ALX4: variants seen among roughly 807,000 people sequenced by gnomAD.
ALX4 encodes the protein ALX homeobox 4.
Under a neutral mutation model 40.6 loss-of-function variants are expected in ALX4, and 22 were observed. That is an observed-to-expected ratio of 0.54 (90% CI 0.39 to 0.77). The LOEUF (loss-of-function observed/expected upper bound fraction) is 0.77. Ranked by LOEUF, ALX4 falls within the 30% of genes least tolerant of loss-of-function variation. ALX4 has a pLI of 0.00. For missense variants in ALX4, 556 were observed against 564.8 expected, an observed-to-expected ratio of 0.98 and a Z score of 0.16; for synonymous variants, 266 against 240.5, an observed-to-expected ratio of 1.11 and a Z score of -0.98.
At chr11:44,305,042 C>T (rs1956458168) in intron 1 of ALX4, among the ~76,000 whole-genome samples, 1 of 152,180 alleles carries the variant, frequency 6.6e-6, no homozygotes, top group Non-Finnish European at 1.5e-5. Context: ...CCCGGTGCTC[C>T]GAAGTATCTT....
chr11:44,307,626 G>A (rs1956476782), intron 1 of ALX4, among the ~76,000 whole-genome samples: 1 of 152,216 alleles, frequency 6.6e-6, no homozygotes, highest in South Asian at 2.1e-4. Flanking sequence ...CTCTGGCTAT[G>A]CAGGATGAAC....
intron 1 of ALX4, among the ~76,000 whole-genome samples, chr11:44,304,885 T>C (rs984349347): frequency 6.6e-6 from 1 of 152,214 alleles, no homozygotes; most frequent in Non-Finnish European, 1.5e-5. Flanking sequence ...GGCTCAGGGC[T>C]TGGTGACTCC....
chr11:44,283,103 C>T (rs544551167), intron 1 of ALX4, among the ~76,000 whole-genome samples: 51 of 152,050 alleles, frequency 3.4e-4, no homozygotes, highest in African/African-American at 1.1e-3. Flanking sequence ...AAAAATTCGT[C>T]GGGCATGGTG....
At chr11:44,265,220 G>T in intron 3 of ALX4, 37 bp from the exon 4 acceptor site, 2 of 1,559,320 alleles carry the variant, frequency 1.3e-6, no homozygotes, top group Non-Finnish European at 1.7e-6. Flanking sequence ...CGGCTGGCGG[G>T]CAGGTGTGGT....
At chr11:44,266,849 G>T (rs780741681) in intron 3 of ALX4, among the ~76,000 whole-genome samples, 5 of 152,092 alleles carry the variant, frequency 3.3e-5, no homozygotes, top group Non-Finnish European at 7.4e-5. Flanking sequence ...AAATGCTCTG[G>T]GGGGAGGGGA....
intron 2 of ALX4, among the ~76,000 whole-genome samples, chr11:44,271,458 A>G (rs926837691): frequency 2.0e-5 from 3 of 152,160 alleles, no homozygotes; most frequent in African/African-American, 7.2e-5. Context: ...CTACCGTTCT[A>G]TAGTTCTGTG....
chr11:44,264,122 T>C lies in ALX4; in HGVS notation c.*732A>G. 1 of 153,146 alleles carries C rather than the reference T, an allele frequency of 6.5e-6. No homozygotes were observed. The highest frequency in any genetic ancestry group is 1.5e-5 in the Non-Finnish European group (1 of 68,742). 9.5% of individuals were successfully genotyped at this position (153,146 alleles called of 1,614,324 possible). A position where few individuals can be genotyped will look rare whatever the true frequency, so the allele number is the denominator to read the frequency against. The stretch of plus-strand genomic sequence containing the variant: ...CAGGTCTGGCTCCTCCCCTATAGTG[T>C]CCAGTGAGGGGCTGGCCCGTGTCTC... On this transcript the variant is annotated 3_prime_UTR_variant, in exon 4 of 4. Transcript: ENST00000652299.
At chr11:44,305,992 T>G (rs988830166) in intron 1 of ALX4, among the ~76,000 whole-genome samples, 2 of 152,142 alleles carry the variant, frequency 1.3e-5, no homozygotes. Flanking sequence ...CTGCCCTGAG[T>G]ACAGGGAGGC....
In ALX4 at chr11:44,264,353, A is replaced by C; in HGVS notation, c.*501T>G. The C allele has an allele frequency of 6.1e-6, 1 of 164,564 alleles. No individual in the cohort carries two copies. The highest frequency in any genetic ancestry group is 1.3e-5 in the Non-Finnish European group (1 of 75,716). The allele number at this position is 164,564 out of a possible 1,614,324, so 10.2% of individuals were successfully genotyped here. On this transcript the variant is annotated 3_prime_UTR_variant, in exon 4 of 4. Coordinates refer to ENST00000652299, the MANE Select transcript of ALX4 (RefSeq NM_021926.4). Reference sequence around the variant, plus strand: ...TCGGATTCCGTGTGCTTTCAGGGAGAGAAAGATGGGAGGGCAGGAGGCTGG... The same window carrying C: ...TCGGATTCCGTGTGCTTTCAGGGAGCGAAAGATGGGAGGGCAGGAGGCTGG...
chr11:44,268,092 C>A (rs974635714), intron 2 of ALX4, among the ~76,000 whole-genome samples: 59 of 152,322 alleles, frequency 3.9e-4, no homozygotes, highest in African/African-American at 1.4e-3. Context: ...TTCACAATGC[C>A]TTCCTCCCTG....
chr11:44,306,860 C>G (rs1345871381), intron 1 of ALX4, among the ~76,000 whole-genome samples: 3 of 152,182 alleles, frequency 2.0e-5, no homozygotes, highest in Non-Finnish European at 4.4e-5. Context: ...GTTTCTCCAT[C>G]TTAGACCTAA....
In ALX4 at chr11:44,267,565, G is replaced by T. The variant is rs771851241; in HGVS notation, c.835C>A (p.Gln279Lys). 1.9e-6 allele frequency: 3 copies of T among 1,614,144 alleles called. No individual in the cohort carries two copies. Among genetic ancestry groups the T allele is most frequent in the Non-Finnish European group, 2.5e-6 (3 of 1,180,026 alleles). The change falls in exon 3 of 4, where the codon CAG becomes AAG. Residue 279 changes from glutamine (Q) to lysine (K), a missense_variant. Coordinates refer to ENST00000652299, the MANE Select transcript of ALX4 (RefSeq NM_021926.4). ...GTGGAGAAGTGGGTTCGAACCTGCT[G>T]CATCTGCCCAAAACGCTCCCGCTTC... is the stretch of plus-strand genomic sequence containing the variant. ...WRKRERFGQMQQVRTHFSTAY... is the reference protein window; with the variant it reads ...WRKRERFGQMKQVRTHFSTAY...
intron 1 of ALX4, among the ~76,000 whole-genome samples, chr11:44,288,275 A>C (rs1335557693): frequency 1.3e-5 from 2 of 152,316 alleles, no homozygotes; most frequent in South Asian, 2.1e-4. Flanking sequence ...AGAGAGAGAC[A>C]CAGAGAGAGA....
intron 1 of ALX4, among the ~76,000 whole-genome samples, chr11:44,289,808 C>A (rs1956359214): frequency 6.6e-6 from 1 of 152,190 alleles, no homozygotes. Flanking sequence ...CTTCTCTCCT[C>A]AAGGAGGCTA....
At chr11:44,283,138 T>C (rs1166301065) in intron 1 of ALX4, among the ~76,000 whole-genome samples, 1 of 151,748 alleles carries the variant, frequency 6.6e-6, no homozygotes, top group Admixed American at 6.6e-5. Context: ...TCCCAGCTAC[T>C]TGGGAGGGTG....
At chr11:44,272,613 C>T (rs937744913) in intron 2 of ALX4, among the ~76,000 whole-genome samples, 8 of 151,960 alleles carry the variant, frequency 5.3e-5, no homozygotes, top group African/African-American at 1.9e-4. Context: ...CAAGACCAAC[C>T]TGGCCAACAT....
In ALX4 at chr11:44,309,586, C is replaced by T; in HGVS notation, c.466+11G>A. On this transcript the variant is annotated intron_variant, in intron 1 of 3. Transcript: ENST00000652299. Reference sequence around the variant, plus strand: ...GGTCCCCAGCACCAGGTGACCCGCACGTGCACTCACCGTAGCAGGGAACCT... The same window carrying T: ...GGTCCCCAGCACCAGGTGACCCGCATGTGCACTCACCGTAGCAGGGAACCT... 1.3e-6 allele frequency: 2 copies of T among 1,574,070 alleles called. No homozygotes were observed. The highest frequency in any genetic ancestry group is 1.7e-6 in the Non-Finnish European group (2 of 1,169,036).
intron 1 of ALX4, among the ~76,000 whole-genome samples, chr11:44,276,327 G>C (rs1483370485): frequency 6.6e-6 from 1 of 152,166 alleles, no homozygotes; most frequent in East Asian, 1.9e-4. Context: ...TGAGGCATGG[G>C]CCACATTTCC....
chr11:44,296,092 A>G (rs577493313), intron 1 of ALX4, among the ~76,000 whole-genome samples: 2 of 152,360 alleles, frequency 1.3e-5, no homozygotes, highest in South Asian at 2.1e-4. Context: ...TGGACTTCAC[A>G]TCAGAAGATC....
Sources: gnomAD v4.1 joint callset for allele counts (sites outside exome capture counted in the v4.1 genomes callset) on GRCh38, gnomAD v4.1.1 for gene constraint, MANE v1.5 for transcripts, NCBI Gene and HGNC (gene_info 2026-07-23, HGNC 2026-07-21) for gene names.